GABRR1: variants seen among roughly 807,000 people sequenced by gnomAD.
GABRR1 encodes the protein gamma-aminobutyric acid type A receptor subunit rho1, also known as gamma-aminobutyric acid receptor subunit rho-1.
GABRR1 carries 59 observed loss-of-function variants against 55.5 expected under a neutral mutation model. The observed-to-expected ratio is 1.06, with a 90% CI of 0.86 to 1.32. The LOEUF (loss-of-function observed/expected upper bound fraction) is 1.32. Ranked by LOEUF, GABRR1 falls within the 40% of genes most tolerant of loss-of-function variation. GABRR1 has a pLI of 0.00. For synonymous variants in GABRR1, 213 were observed against 226.0 expected (o/e 0.94, Z 0.51); for missense variants, 602 against 619.1 (o/e 0.97, Z 0.29).
At chr6:89,215,412 C>T (rs749224833) in intron 1 of GABRR1, among the ~76,000 whole-genome samples, 3 of 152,170 alleles carry the variant, frequency 2.0e-5, no homozygotes, top group Non-Finnish European at 4.4e-5. Context: ...GGACATTATG[C>T]TTAATGAAAT....
chr6:89,182,709 G>A (rs1227657468), intron 7 of GABRR1, among the ~76,000 whole-genome samples: 1 of 152,012 alleles, frequency 6.6e-6, no homozygotes, highest in Admixed American at 6.6e-5. Context: ...CTTAATTGGA[G>A]GTCCATTTAA....
chr6:89,203,338 G>T, intron 2 of GABRR1, 97 bp downstream of exon 2: 2 of 1,078,812 alleles, frequency 1.9e-6, no homozygotes, highest in Non-Finnish European at 1.4e-6. Context: ...TCTGATCCTT[G>T]GTGAGGGGTC....
chr6:89,198,741 AC>A (rs1393328918), intron 4 of GABRR1, among the ~76,000 whole-genome samples: 1 of 152,014 alleles, frequency 6.6e-6, no homozygotes, highest in Non-Finnish European at 1.5e-5. Context: ...TTCCACAGTA[AC>A]TGGTTTGATA....
At chr6:89,231,110 C>T (rs1773282285) in intron 1 of GABRR1, 1 of 152,244 alleles carries the variant, frequency 6.6e-6, no homozygotes, top group Non-Finnish European at 1.5e-5. Flanking sequence ...AATGCCTCGC[C>T]CTGCTTCGGC....
chr6:89,208,936 G>C (rs1312718327), intron 1 of GABRR1, among the ~76,000 whole-genome samples: 1 of 152,220 alleles, frequency 6.6e-6, no homozygotes, highest in Non-Finnish European at 1.5e-5. Flanking sequence ...GCCCAGCTTT[G>C]ACCTATCAGC....
upstream of GABRR1, among the ~76,000 whole-genome samples, chr6:89,221,829 T>C (rs773202558): frequency 6.6e-6 from 1 of 152,244 alleles, no homozygotes; most frequent in Non-Finnish European, 1.5e-5. Context: ...AGAGCCATTT[T>C]TCAGTTCCTG....
chr6:89,219,303 G>T (rs905484923), upstream of GABRR1, among the ~76,000 whole-genome samples: 1 of 152,052 alleles, frequency 6.6e-6, no homozygotes, highest in Non-Finnish European at 1.5e-5. Context: ...ACTTTTAGAA[G>T]TCCAAGCTAA....
intron 1 of GABRR1, among the ~76,000 whole-genome samples, chr6:89,212,438 G>GGGACTCCCTTT (rs1772856048): frequency 2.9e-5 from 1 of 34,646 alleles, no homozygotes; most frequent in Non-Finnish European, 7.9e-5. Context: ...CTCTGAAATG[G>GGGACTCCCTTT]AAATCTGCTG....
chr6:89,189,581 C>T (rs1772021619), intron 6 of GABRR1, among the ~76,000 whole-genome samples: 1 of 143,606 alleles, frequency 7.0e-6, no homozygotes, highest in Non-Finnish European at 1.5e-5. Flanking sequence ...TTAGTGGGTG[C>T]AGCGCACCAG....
At chr6:89,204,329 A>T (rs946597799) in intron 1 of GABRR1, among the ~76,000 whole-genome samples, 7 of 152,226 alleles carry the variant, frequency 4.6e-5, no homozygotes, top group African/African-American at 1.7e-4. Context: ...TGCGCTCTGC[A>T]GGCGTGGGCA....
intron 6 of GABRR1, 141 bp downstream of exon 6, chr6:89,190,024 C>G: frequency 2.2e-6 from 1 of 458,012 alleles, no homozygotes; most frequent in Non-Finnish European, 3.8e-6. Context: ...CCAGCCCAGG[C>G]GACAGTGTGA....
At chr6:89,193,971 A>C (rs1049503023) in intron 5 of GABRR1, among the ~76,000 whole-genome samples, 3 of 152,150 alleles carry the variant, frequency 2.0e-5, no homozygotes, top group Non-Finnish European at 2.9e-5. Flanking sequence ...TGACTTCTAC[A>C]CTGGAAAAAG....
intron 1 of GABRR1, among the ~76,000 whole-genome samples, chr6:89,216,174 G>A (rs1772975538): frequency 6.6e-6 from 1 of 152,176 alleles, no homozygotes. Flanking sequence ...AACAAATGCT[G>A]TGAGCTACAG....
chr6:89,198,095 G>C lies in GABRR1; in HGVS notation c.497C>G (p.Ser166Cys). Residue 166 changes from serine to cysteine, a missense_variant, in exon 5 of 10, where the codon TCC (serine) becomes TGC (cysteine). Coordinates refer to ENST00000454853, the MANE Select transcript of GABRR1 (RefSeq NM_002042.5). ...GTCTGTGGTGGTGTCGTGGATGAAG[G>C]AGCGTTTGGAGTGCACGAAAAACAT... ...PDMFFVHSKR[S>C]FIHDTTTDNV... The C allele has an allele frequency of 1.2e-6, 2 of 1,614,126 alleles. No individual in the cohort carries two copies. Among genetic ancestry groups the C allele is most frequent in the Non-Finnish European group, 1.7e-6 (2 of 1,180,018 alleles).
At position 89,189,139 on chromosome 6, in the gene GABRR1, C is replaced by T. The variant is rs115466513; in HGVS notation, c.655+1026G>A. On this transcript the variant is annotated intron_variant, in intron 6 of 9. Transcript: ENST00000454853. ...CTACTTCCCTTCCCCAAGCAGTTAC[C>T]CTGATTCAACAGAACAAAGTTTAAA... Among the ~76,000 whole-genome samples, 1,118 of 152,004 alleles carry T rather than the reference C, an allele frequency of 7.4e-3. 15 individuals are homozygous for T. Among genetic ancestry groups the T allele is most frequent in the African/African-American group, 0.026 (1,079 of 41,436 alleles).
At chr6:89,180,198 CCTTG>C (rs1771672887) in intron 9 of GABRR1, 90 bp downstream of exon 9, 21 of 1,371,480 alleles carry the variant, frequency 1.5e-5, no homozygotes, top group Admixed American at 2.5e-5. Flanking sequence ...GGTATCATGA[CCTTG>C]CTTTACAGAG....
intron 1 of GABRR1, among the ~76,000 whole-genome samples, chr6:89,230,294 T>C (rs1295172609): frequency 2.3e-4 from 33 of 146,534 alleles, no homozygotes; most frequent in East Asian, 6.0e-4. Context: ...AGCTTTGTTC[T>C]GTTGCTGGTG....
chr6:89,202,871 G>A (rs1772522771), intron 2 of GABRR1, among the ~76,000 whole-genome samples: 1 of 151,854 alleles, frequency 6.6e-6, no homozygotes. Context: ...ATGCAACTGA[G>A]TCCAGTTAAT....
chr6:89,198,311 C>A (rs2127798670), intron 4 of GABRR1, 68 bp from the exon 5 acceptor site: 2 of 1,157,508 alleles, frequency 1.7e-6, no homozygotes, highest in Admixed American at 3.4e-5. Context: ...GATTCTGTAG[C>A]CCCTGTGGAG....
Sources: allele counts gnomAD v4.1 joint callset (sites outside exome capture counted in the v4.1 genomes callset), GRCh38; gene constraint gnomAD v4.1.1; transcripts MANE v1.5; gene names NCBI Gene and HGNC (gene_info 2026-07-23, HGNC 2026-07-21).